NALCN: variants seen among roughly 807,000 people sequenced by gnomAD.
NALCN encodes sodium leak channel, non-selective, also known as sodium leak channel NALCN.
In NALCN, 111 loss-of-function variants were observed where a neutral mutation model predicts 225.3. That is an observed-to-expected ratio of 0.49 (90% CI 0.42 to 0.58). NALCN has a LOEUF of 0.58. Ranked by LOEUF, NALCN falls within the 20% of genes least tolerant of loss-of-function variation. NALCN has a pLI of 0.00. For missense variants in NALCN, 1,378 were observed against 2,202.4 expected (o/e 0.63, Z 7.49); for synonymous variants, 764 against 769.0 (o/e 0.99, Z 0.11).
intron 34 of NALCN, among the ~76,000 whole-genome samples, chr13:101,080,753 AAAT>A (rs1416523108): frequency 7.9e-6 from 1 of 125,978 alleles, no homozygotes; most frequent in Non-Finnish European, 1.7e-5. Context: ...TTACATAATT[AAAT>A]AATTAATTAT....
chr13:101,329,651 A>G (rs1183317335), intron 7 of NALCN, among the ~76,000 whole-genome samples: 5 of 152,246 alleles, frequency 3.3e-5, no homozygotes, highest in African/African-American at 1.2e-4. Context: ...AATGCATTTT[A>G]TATATAAGTA....
Position 101,397,378 on chromosome 13 carries a change from C to T in NALCN, c.108+1641G>A, listed in dbSNP as rs1247333366. ...CATGTTCTAGATAAGACATAATATACATATATCATGTATAGTCTCACGTAT... is the reference window on the plus strand; with the variant it reads ...CATGTTCTAGATAAGACATAATATATATATATCATGTATAGTCTCACGTAT... On this transcript the variant is annotated intron_variant, in intron 2 of 43. Coordinates refer to ENST00000251127, the MANE Select transcript of NALCN (RefSeq NM_052867.4). Among the ~76,000 whole-genome samples the T allele has an allele frequency of 2.0e-5, 3 of 150,366 alleles. No homozygotes were observed. In the East Asian group the frequency reaches 5.9e-4, roughly 29 times the overall value.
chr13:101,147,186 T>G (rs918668506), intron 15 of NALCN, among the ~76,000 whole-genome samples: 8 of 152,186 alleles, frequency 5.3e-5, no homozygotes, highest in African/African-American at 1.9e-4. Context: ...TCCCCACCAG[T>G]GCCTCCCTGG....
intron 15 of NALCN, among the ~76,000 whole-genome samples, chr13:101,148,752 C>T (rs949323392): frequency 3.9e-5 from 6 of 152,040 alleles, no homozygotes; most frequent in African/African-American, 1.4e-4. Context: ...GATCAGGTGG[C>T]GGAACTCAAC....
chr13:101,206,071 C>T (rs2040301403), intron 13 of NALCN, among the ~76,000 whole-genome samples: 1 of 151,878 alleles, frequency 6.6e-6, no homozygotes, highest in African/African-American at 2.4e-5. Context: ...ATGGAGTTTG[C>T]CTGGCTATTG....
intron 3 of NALCN, among the ~76,000 whole-genome samples, chr13:101,380,890 ACAC>A (rs1566634473): frequency 2.0e-5 from 3 of 148,598 alleles, no homozygotes; most frequent in Non-Finnish European, 4.5e-5. Flanking sequence ...ACACACACAC[ACAC>A]CACCATCACC....
chr13:101,300,021 TA>T (rs71767864), intron 7 of NALCN, among the ~76,000 whole-genome samples: 8,081 of 144,114 alleles, frequency 0.056, 285 homozygotes, highest in Middle Eastern at 0.086. Flanking sequence ...GTGACATAAT[TA>T]AAAAAAAAAA....
At chr13:101,152,479 C>T (rs1298482270) in intron 15 of NALCN, among the ~76,000 whole-genome samples, 1 of 152,114 alleles carries the variant, frequency 6.6e-6, no homozygotes, top group East Asian at 1.9e-4. Flanking sequence ...GTTATCACAA[C>T]CCTTAAGATC....
chr13:101,100,404 T>C (rs1268683987), intron 27 of NALCN, among the ~76,000 whole-genome samples: 2 of 152,150 alleles, frequency 1.3e-5, no homozygotes, highest in African/African-American at 4.8e-5. Flanking sequence ...AGTGACATTC[T>C]CTGAGGTGTG....
intron 10 of NALCN, among the ~76,000 whole-genome samples, chr13:101,264,497 C>G (rs1171204921): frequency 6.6e-6 from 1 of 151,874 alleles, no homozygotes; most frequent in African/African-American, 2.4e-5. Context: ...AAAGTGTGGT[C>G]CCTGGACCAG....
chr13:101,098,022 C>T (rs757790601), intron 27 of NALCN, among the ~76,000 whole-genome samples: 6 of 152,182 alleles, frequency 3.9e-5, no homozygotes, highest in Non-Finnish European at 8.8e-5. Flanking sequence ...GGATTCCAAT[C>T]TCAGAAGCTG....
intron 7 of NALCN, among the ~76,000 whole-genome samples, chr13:101,312,539 C>T (rs2044385674): frequency 6.6e-6 from 1 of 151,376 alleles, no homozygotes; most frequent in South Asian, 2.1e-4. Flanking sequence ...TGAATGTGTC[C>T]CAGAGATTCT....
chr13:101,083,534 G>C (rs752893357), intron 31 of NALCN, among the ~76,000 whole-genome samples, 177 bp downstream of exon 31: 1 of 152,104 alleles, frequency 6.6e-6, no homozygotes, highest in Admixed American at 6.5e-5. Context: ...CACAGCCTTT[G>C]GGTGGTTGAT....
At chr13:101,394,166 T>TTTGGG (rs2047219921) in intron 3 of NALCN, among the ~76,000 whole-genome samples, 3 of 152,170 alleles carry the variant, frequency 2.0e-5, no homozygotes, top group Admixed American at 6.5e-5. Context: ...ACATTATAAC[T>TTTGGG]GTAATATACT....
At chr13:101,272,164 ATGAG>A (rs1310313313) in intron 10 of NALCN, among the ~76,000 whole-genome samples, 3 of 151,810 alleles carry the variant, frequency 2.0e-5, no homozygotes, top group Non-Finnish European at 4.4e-5. Flanking sequence ...GTGAGCCTGT[ATGAG>A]TGTGTGTGTG....
intron 15 of NALCN, among the ~76,000 whole-genome samples, chr13:101,148,123 C>T (rs1540510): frequency 0.75 from 113,492 of 151,950 alleles, 42,741 homozygotes; most frequent in East Asian, 0.96. Context: ...CATTAGTTTC[C>T]TAGGACTCCT....
rs912710507 is a variant in NALCN at position 101,098,368 on chromosome 13, C to T, written c.3162+2416G>A. Among the ~76,000 whole-genome samples, 29 of 152,160 alleles carry T rather than the reference C, an allele frequency of 1.9e-4. 1 individual carries two copies. Among genetic ancestry groups the T allele is most frequent in the African/African-American group, 6.3e-4 (26 of 41,442 alleles). The stretch of plus-strand genomic sequence containing the variant: ...CAGAAGCAAGGACCTCCTAATGTTT[C>T]CCTTCCACATTTCATTTCACCTATC... On this transcript the variant is annotated intron_variant, in intron 27 of 43. Coordinates refer to ENST00000251127, the MANE Select transcript of NALCN (RefSeq NM_052867.4).
intron 7 of NALCN, among the ~76,000 whole-genome samples, chr13:101,327,555 C>G (rs1041139270): frequency 2.0e-5 from 3 of 152,104 alleles, no homozygotes; most frequent in South Asian, 2.1e-4. Flanking sequence ...AAGTGAATGA[C>G]AGGTTTAAGG....
intron 6 of NALCN, among the ~76,000 whole-genome samples, chr13:101,364,377 C>A (rs1445621847): frequency 6.6e-6 from 1 of 152,088 alleles, no homozygotes; most frequent in Non-Finnish European, 1.5e-5. Context: ...TATACACACA[C>A]ACAGTGTTAA....
Sources: allele counts gnomAD v4.1 joint callset (sites outside exome capture counted in the v4.1 genomes callset), GRCh38; gene constraint gnomAD v4.1.1; transcripts MANE v1.5; gene names NCBI Gene and HGNC (gene_info 2026-07-23, HGNC 2026-07-21).